The following CNTN3 variants were observed in gnomAD, a reference collection of about 807,000 sequenced individuals.
CNTN3 encodes the protein contactin-3.
In CNTN3, 60 loss-of-function variants were observed where a neutral mutation model predicts 119.1. That is an observed-to-expected ratio of 0.50 (90% CI 0.41 to 0.62). The LOEUF (loss-of-function observed/expected upper bound fraction) is 0.62, where lower values mean the gene tolerates loss of function less well. CNTN3 is among the 20% of genes least tolerant of loss of function. The pLI is 0.00. For missense variants in CNTN3, 1,101 were observed against 1,242.4 expected, an observed-to-expected ratio of 0.89 and a Z score of 1.71; for synonymous variants, 450 against 438.7, an observed-to-expected ratio of 1.03 and a Z score of -0.32.
intron 4 of CNTN3, among the ~76,000 whole-genome samples, chr3:74,467,953 C>T (rs774350342): frequency 6.6e-6 from 1 of 152,176 alleles, no homozygotes. Context: ...TGCCAAGAAG[C>T]ATTCAATCTA....
At chr3:74,285,551 G>C (rs1702094441) in intron 19 of CNTN3, 60 bp from the exon 20 acceptor site, 4 of 1,496,226 alleles carry the variant, frequency 2.7e-6, no homozygotes, top group Non-Finnish European at 3.6e-6. Context: ...TTTCCATTAA[G>C]TGATTTTCAT....
At chr3:74,509,039 A>C (rs555217504) in intron 2 of CNTN3, among the ~76,000 whole-genome samples, 1 of 152,322 alleles carries the variant, frequency 6.6e-6, no homozygotes, top group South Asian at 2.1e-4. Flanking sequence ...GAGAAGAGAA[A>C]TACTGTGTAT....
chr3:74,349,221 A>T (rs1207810554), intron 11 of CNTN3, among the ~76,000 whole-genome samples: 1 of 152,248 alleles, frequency 6.6e-6, no homozygotes, highest in Non-Finnish European at 1.5e-5. Flanking sequence ...GGCTTAGAGT[A>T]CAAACAGGGA....
chr3:74,597,646 A>G (rs1320519660), intron 1 of CNTN3, among the ~76,000 whole-genome samples: 1 of 152,048 alleles, frequency 6.6e-6, no homozygotes, highest in African/African-American at 2.4e-5. Flanking sequence ...TGTACTTTGC[A>G]TATGGAAATT....
Position 74,500,508 on chromosome 3 carries a change from CA to C in CNTN3, c.56-724del, listed in dbSNP as rs57458348. ...ATTTCTGAAAACAAACAAATTCGCC[CA>C]AAAAAAAAAAAAAGCTCTTTACTTT... On this transcript the variant is annotated intron_variant, in intron 2 of 22. Transcript: ENST00000263665. Among the ~76,000 whole-genome samples the C allele has an allele frequency of 3.8e-3, 537 of 140,846 alleles. 6 individuals are homozygous for C. In the East Asian group the frequency reaches 0.065, roughly 17 times the overall value. 92.4% of individuals were successfully genotyped at this position (140,846 alleles called of 152,430 possible).
intron 11 of CNTN3, among the ~76,000 whole-genome samples, chr3:74,360,534 T>C (rs1368049195): frequency 6.6e-6 from 1 of 152,214 alleles, no homozygotes; most frequent in East Asian, 1.9e-4. Context: ...ATTGCTGTTA[T>C]AAATGACCAC....
At chr3:74,273,283 A>G (rs1432152671) in intron 20 of CNTN3, among the ~76,000 whole-genome samples, 1 of 152,188 alleles carries the variant, frequency 6.6e-6, no homozygotes, top group East Asian at 1.9e-4. Flanking sequence ...ACCTACTTGG[A>G]ACAGATCCTG....
At chr3:74,415,577 C>T (rs570465321) in intron 5 of CNTN3, among the ~76,000 whole-genome samples, 1 of 152,252 alleles carries the variant, frequency 6.6e-6, no homozygotes, top group East Asian at 1.9e-4. Context: ...ATGTCCATTG[C>T]ATTAGTTATG....
intron 11 of CNTN3, among the ~76,000 whole-genome samples, chr3:74,355,104 T>C (rs1176550127): frequency 6.6e-6 from 1 of 152,092 alleles, no homozygotes; most frequent in Non-Finnish European, 1.5e-5. Flanking sequence ...AGTAGGTACT[T>C]CAAACTCAAC....
Position 74,329,438 on chromosome 3 carries a change from C to G in CNTN3, c.1668+5297G>C, listed in dbSNP as rs79678126. Among the ~76,000 whole-genome samples, 201 of 152,282 alleles carry G rather than the reference C, an allele frequency of 1.3e-3. 1 individual carries two copies. Among genetic ancestry groups the G allele is most frequent in the East Asian group, 7.5e-3 (39 of 5,184 alleles). Reference sequence around the variant, plus strand: ...ACATTCTTTATTTCTAAAGTAACTGCACCACATAGGGTTTATCAAAGCATA... The same window carrying G: ...ACATTCTTTATTTCTAAAGTAACTGGACCACATAGGGTTTATCAAAGCATA... On this transcript the variant is annotated intron_variant, in intron 13 of 22. Transcript: ENST00000263665.
At chr3:74,563,276 G>A (rs1704179737) in intron 1 of CNTN3, among the ~76,000 whole-genome samples, 2 of 152,076 alleles carry the variant, frequency 1.3e-5, no homozygotes, top group Admixed American at 6.6e-5. Flanking sequence ...CCAAAGTGGG[G>A]GAAAATGCTA....
chr3:74,354,984 C>T (rs972836668), intron 11 of CNTN3, among the ~76,000 whole-genome samples: 3 of 152,094 alleles, frequency 2.0e-5, no homozygotes, highest in African/African-American at 7.3e-5. Context: ...GCTCAGCTAC[C>T]ATCTCCAAGC....
At chr3:74,544,322 C>T (rs1228131339) in intron 1 of CNTN3, among the ~76,000 whole-genome samples, 1 of 152,158 alleles carries the variant, frequency 6.6e-6, no homozygotes, top group African/African-American at 2.4e-5. Context: ...TGAAAAGAGC[C>T]TTTCTGCGTT....
chr3:74,435,101 G>A (rs546960668), intron 4 of CNTN3, among the ~76,000 whole-genome samples: 22 of 152,056 alleles, frequency 1.4e-4, no homozygotes, highest in African/African-American at 5.1e-4. Flanking sequence ...TAATTGTTCC[G>A]CAAAACCCAG....
intron 13 of CNTN3, among the ~76,000 whole-genome samples, chr3:74,326,902 C>A (rs958187877): frequency 3.3e-5 from 5 of 151,890 alleles, no homozygotes; most frequent in African/African-American, 9.7e-5. Context: ...GGTATTTTTC[C>A]TTTAAAGACA....
chr3:74,581,106 C>T (rs2106667847), intron 1 of CNTN3, among the ~76,000 whole-genome samples: 1 of 152,278 alleles, frequency 6.6e-6, no homozygotes, highest in Admixed American at 6.5e-5. Context: ...AATATTTCTA[C>T]TCACCATTAT....
chr3:74,372,787 G>C (rs923701375), intron 5 of CNTN3, among the ~76,000 whole-genome samples: 1 of 152,038 alleles, frequency 6.6e-6, no homozygotes, highest in Non-Finnish European at 1.5e-5. Context: ...GGAAGGACAG[G>C]TGCCATTCTT....
chr3:74,358,596 G>GATTGATTT (rs1553649321), intron 11 of CNTN3, among the ~76,000 whole-genome samples: 70 of 137,578 alleles, frequency 5.1e-4, no homozygotes, highest in East Asian at 3.1e-3. Context: ...TTTTTTTTTT[G>GATTGATTT]ATTTATTTAT....
chr3:74,327,105 C>CTTTTTTT (rs1491284899), intron 13 of CNTN3, among the ~76,000 whole-genome samples: 129 of 90,668 alleles, frequency 1.4e-3, no homozygotes, highest in African/African-American at 2.3e-3. Context: ...AAGGGTTAAT[C>CTTTTTTT]CTTTTTTTTT....
Sources: gnomAD v4.1 joint callset for allele counts (sites outside exome capture counted in the v4.1 genomes callset) on GRCh38, gnomAD v4.1.1 for gene constraint, MANE v1.5 for transcripts, NCBI Gene and HGNC (gene_info 2026-07-23, HGNC 2026-07-21) for gene names.